Variants in MAF observed in about 807,000 individuals in gnomAD.
MAF encodes MAF bZIP transcription factor, also known as transcription factor Maf.
In MAF, 10 loss-of-function variants were observed where a neutral mutation model predicts 22.0. The ratio of observed to expected loss-of-function variants is 0.45; its 90% CI spans 0.28 to 0.77. The LOEUF (loss-of-function observed/expected upper bound fraction) is 0.77, where lower values mean the gene tolerates loss of function less well. MAF is among the 30% of genes least tolerant of loss of function. The pLI, the probability that MAF is intolerant of heterozygous loss-of-function variation, is 0.12. For synonymous variants in MAF, 337 were observed against 255.8 expected, an observed-to-expected ratio of 1.32 and a Z score of -3.03; for missense variants, 544 against 548.4, an observed-to-expected ratio of 0.99 and a Z score of 0.08.
the MAF span, among the ~76,000 whole-genome samples, chr16:79,274,685 A>AGCTT: frequency 1.3e-5 from 2 of 152,158 alleles, no homozygotes; most frequent in Non-Finnish European, 2.9e-5. Flanking sequence ...CTTAAGCTGC[A>AGCTT]AAGAATGGTC....
the MAF span, among the ~76,000 whole-genome samples, chr16:79,215,446 TG>T: frequency 6.6e-6 from 1 of 152,086 alleles, no homozygotes; most frequent in Admixed American, 6.5e-5. Flanking sequence ...TTGGTGGAAG[TG>T]AAAGTAAAGC....
At chr16:79,355,803 C>T in the MAF span, among the ~76,000 whole-genome samples, 8 of 152,070 alleles carry the variant, frequency 5.3e-5, no homozygotes, top group African/African-American at 1.2e-4. Context: ...CTATGGGCGG[C>T]GTGTGGGGAG....
the MAF span, among the ~76,000 whole-genome samples, chr16:79,452,764 G>A: frequency 6.6e-6 from 1 of 152,078 alleles, no homozygotes; most frequent in Admixed American, 6.5e-5. Flanking sequence ...TTCCAGACCT[G>A]GTCCATAAAA....
the MAF span, among the ~76,000 whole-genome samples, chr16:79,287,571 G>A: frequency 7.9e-5 from 12 of 152,238 alleles, no homozygotes; most frequent in Admixed American, 5.9e-4. Context: ...GAGTGTCTAC[G>A]CAGGCCGGAA....
the MAF span, among the ~76,000 whole-genome samples, chr16:79,499,742 G>A: frequency 5.9e-5 from 9 of 152,170 alleles, no homozygotes; most frequent in Non-Finnish European, 1.2e-4. Flanking sequence ...CTCCAGAACT[G>A]TGCAAAATAA....
At chr16:79,275,984 ACAAAAAGTTTGCCAGGTGTGGTGG>A in the MAF span, among the ~76,000 whole-genome samples, 1 of 152,072 alleles carries the variant, frequency 6.6e-6, no homozygotes, top group Non-Finnish European at 1.5e-5. Context: ...TACTAAAAAT[ACAAAAAGTTTGCCAGGTGTGGTGG>A]CAGGCACCTG....
At chr16:79,456,764 C>T in the MAF span, among the ~76,000 whole-genome samples, 1 of 152,166 alleles carries the variant, frequency 6.6e-6, no homozygotes, top group South Asian at 2.1e-4. Flanking sequence ...CAAGTTCTGC[C>T]TCTCAGTGAA....
At chr16:79,559,285 G>C in the MAF span, among the ~76,000 whole-genome samples, 2,053 of 152,252 alleles carry the variant, frequency 0.013, 43 homozygotes, top group African/African-American at 0.047. Context: ...CAGCAGTTTG[G>C]TTTACCACTT....
chr16:79,511,808 A>C, the MAF span, among the ~76,000 whole-genome samples: 1 of 152,216 alleles, frequency 6.6e-6, no homozygotes, highest in East Asian at 1.9e-4. Context: ...CACATCTCAC[A>C]CTAGAACCAA....
the MAF span, among the ~76,000 whole-genome samples, chr16:79,372,549 C>G: frequency 6.6e-6 from 1 of 152,176 alleles, no homozygotes; most frequent in Non-Finnish European, 1.5e-5. Context: ...ACTGGAAAAA[C>G]CTAGGAGAGA....
chr16:79,243,279 T>C, the MAF span, among the ~76,000 whole-genome samples: 2 of 151,154 alleles, frequency 1.3e-5, no homozygotes, highest in Non-Finnish European at 3.0e-5. Context: ...TTTTTCTTTT[T>C]TATTTTTTTA....
chr16:79,506,200 C>G, the MAF span, among the ~76,000 whole-genome samples: 1 of 152,168 alleles, frequency 6.6e-6, no homozygotes, highest in Non-Finnish European at 1.5e-5. Flanking sequence ...TACTCTGTAA[C>G]CAGCTATTGT....
At chr16:79,443,817 C>A in the MAF span, among the ~76,000 whole-genome samples, 38 of 152,172 alleles carry the variant, frequency 2.5e-4, no homozygotes, top group Non-Finnish European at 4.0e-4. Context: ...ACCTACCTCA[C>A]AGGGTTGCTT....
the MAF span, among the ~76,000 whole-genome samples, chr16:79,567,619 G>A: frequency 6.6e-6 from 1 of 152,070 alleles, no homozygotes; most frequent in Non-Finnish European, 1.5e-5. Context: ...ATAAAGTGAG[G>A]GCTTCAGAAG....
the MAF span, among the ~76,000 whole-genome samples, chr16:79,562,860 G>A: frequency 2.6e-5 from 4 of 152,148 alleles, no homozygotes; most frequent in East Asian, 1.9e-4. Context: ...CTGGATTCAG[G>A]CCCCTCCCCA....
chr16:79,596,610 C>T (rs894143892), intron 1 of MAF: 4 of 1,040,456 alleles, frequency 3.8e-6, no homozygotes, highest in Non-Finnish European at 4.6e-6. Context: ...CAATTTTGCA[C>T]AGCAAAATAT....
the MAF span, among the ~76,000 whole-genome samples, chr16:79,571,484 C>G: frequency 6.6e-6 from 1 of 151,078 alleles, no homozygotes; most frequent in African/African-American, 2.4e-5. Flanking sequence ...TTCTTTCTAG[C>G]CTGGTGCAGT....
chr16:79,344,702 T>C, the MAF span, among the ~76,000 whole-genome samples: 4 of 152,220 alleles, frequency 2.6e-5, no homozygotes, highest in East Asian at 3.8e-4. Flanking sequence ...GAGAGCTTAC[T>C]GAAACACTGA....
chr16:79,311,611 G>A, the MAF span, among the ~76,000 whole-genome samples: 2 of 152,108 alleles, frequency 1.3e-5, no homozygotes, highest in Non-Finnish European at 2.9e-5. Context: ...GAGGCAGGCA[G>A]CCAAGCCCAG....
Sources: gnomAD v4.1 joint callset for allele counts (sites outside exome capture counted in the v4.1 genomes callset) on GRCh38, gnomAD v4.1.1 for gene constraint, MANE v1.5 for transcripts, NCBI Gene and HGNC (gene_info 2026-07-23, HGNC 2026-07-21) for gene names.